Variants in EYS observed in about 807,000 individuals in gnomAD.
The protein encoded by EYS is protein eyes shut homolog.
In EYS, 250 loss-of-function variants were observed where a neutral mutation model predicts 282.1. The ratio of observed to expected loss-of-function variants is 0.89; its 90% CI spans 0.80 to 0.98. The LOEUF (loss-of-function observed/expected upper bound fraction) is 0.98, where lower values mean the gene tolerates loss of function less well. EYS is among the 50% of genes least tolerant of loss of function. The pLI, the probability that EYS is intolerant of heterozygous loss-of-function variation, is 0.00. For missense variants in EYS, 4,016 were observed against 3,709.0 expected, an observed-to-expected ratio of 1.08 and a Z score of -2.15; for synonymous variants, 1,355 against 1,282.9, an observed-to-expected ratio of 1.06 and a Z score of -1.20.
intron 12 of EYS, among the ~76,000 whole-genome samples, chr6:65,131,039 CT>C (rs1219521644): frequency 6.6e-6 from 1 of 151,238 alleles, no homozygotes; most frequent in African/African-American, 2.4e-5. Context: ...TACATATAAA[CT>C]TTATAAAAAA....
chr6:64,299,098 G>A (rs1361640827), intron 30 of EYS, among the ~76,000 whole-genome samples: 1 of 152,152 alleles, frequency 6.6e-6, no homozygotes, highest in African/African-American at 2.4e-5. Context: ...ATAGGGTTAT[G>A]GGTGAAGGCA....
chr6:65,292,054 A>G (rs1768541770), intron 12 of EYS, among the ~76,000 whole-genome samples: 1 of 151,698 alleles, frequency 6.6e-6, no homozygotes, highest in Non-Finnish European at 1.5e-5. Flanking sequence ...TAGTGAATTT[A>G]AGGCACAACC....
At chr6:64,512,506 C>G (rs1206425288) in intron 26 of EYS, among the ~76,000 whole-genome samples, 2 of 151,662 alleles carry the variant, frequency 1.3e-5, no homozygotes, top group Admixed American at 1.3e-4. Flanking sequence ...AGGGGGCCAT[C>G]TATACTGCCA....
intron 29 of EYS, among the ~76,000 whole-genome samples, chr6:64,347,074 T>C (rs1249631820): frequency 6.6e-6 from 1 of 151,356 alleles, no homozygotes; most frequent in Non-Finnish European, 1.5e-5. Context: ...ATCATTCATG[T>C]GGGGACAAAA....
intron 7 of EYS, among the ~76,000 whole-genome samples, chr6:65,400,398 C>G (rs1198200941): frequency 6.6e-6 from 1 of 151,924 alleles, no homozygotes; most frequent in Non-Finnish European, 1.5e-5. Context: ...TCTGATACCT[C>G]CAAGACATCA....
At chr6:64,043,179 T>G (rs1770467977) in intron 33 of EYS, among the ~76,000 whole-genome samples, 1 of 152,198 alleles carries the variant, frequency 6.6e-6, no homozygotes, top group Non-Finnish European at 1.5e-5. Flanking sequence ...TAAAATACCA[T>G]TTTCACCTAA....
intron 34 of EYS, among the ~76,000 whole-genome samples, chr6:63,985,973 G>C (rs1767340746): frequency 6.6e-6 from 1 of 151,700 alleles, no homozygotes; most frequent in South Asian, 2.1e-4. Flanking sequence ...GAAATTGTCA[G>C]CAGAGTAAAT....
intron 1 of EYS, among the ~76,000 whole-genome samples, chr6:65,684,966 C>A (rs1490125): frequency 0.22 from 33,209 of 151,816 alleles, 4,327 homozygotes; most frequent in African/African-American, 0.37. Context: ...ATGTTTAACT[C>A]CAACTTATGA....
rs527652644 is a variant in EYS, at chr6:64,653,127, T to A, written c.3444-26882A>T. On this transcript the variant is annotated intron_variant, in intron 22 of 42. Transcript: ENST00000503581. The stretch of plus-strand genomic sequence containing the variant: ...ATTAAAATCAGAAAATTGGGCTAAA[T>A]GGAGAGAAATGCACCAAGGGAAGAC... 1.2e-4 allele frequency among the ~76,000 whole-genome samples: 18 copies of A among 152,034 alleles called. No individual in the cohort carries two copies. The South Asian group carries it at 3.5e-3, about 30-fold the overall frequency.
At chr6:64,747,934 A>G (rs1191909449) in intron 22 of EYS, among the ~76,000 whole-genome samples, 1 of 152,202 alleles carries the variant, frequency 6.6e-6, no homozygotes, top group Non-Finnish European at 1.5e-5. Flanking sequence ...ATGTCTGCTG[A>G]TGAACATACA....
At chr6:64,017,074 A>T (rs1768928892) in intron 33 of EYS, among the ~76,000 whole-genome samples, 1 of 151,756 alleles carries the variant, frequency 6.6e-6, no homozygotes, top group Admixed American at 6.6e-5. Context: ...GGCTGCTGTC[A>T]TATCCATCAC....
At chr6:63,939,316 C>A (rs192001782) in intron 35 of EYS, among the ~76,000 whole-genome samples, 287 of 152,164 alleles carry the variant, frequency 1.9e-3, no homozygotes, top group Non-Finnish European at 2.7e-3. Flanking sequence ...GATAAAGACG[C>A]AGGAAAGTCC....
intron 12 of EYS, among the ~76,000 whole-genome samples, chr6:65,251,936 C>T (rs1375929938): frequency 6.6e-6 from 1 of 151,878 alleles, no homozygotes; most frequent in African/African-American, 2.4e-5. Flanking sequence ...GCAATTCCGT[C>T]ATGCTGGTGG....
rs77499320 is a variant in EYS, at chr6:63,897,079, G to T, written c.7056-32721C>A. 5.3e-5 allele frequency among the ~76,000 whole-genome samples: 8 copies of T among 152,272 alleles called. No individual in the cohort carries two copies. In the East Asian group the frequency reaches 1.5e-3, roughly 29 times the overall value. On this transcript the variant is annotated intron_variant, in intron 35 of 42. Coordinates refer to ENST00000503581, the MANE Select transcript of EYS (RefSeq NM_001142800.2). ...ATATAAAGCAGTAAGTACTGATGTC[G>T]TGATCTCTCCTTTCCTCCTCATCTG...
intron 33 of EYS, among the ~76,000 whole-genome samples, chr6:64,039,011 G>T (rs1225885538): frequency 2.0e-5 from 3 of 152,052 alleles, no homozygotes; most frequent in African/African-American, 7.2e-5. Flanking sequence ...CGCCACATTG[G>T]CCAGGCTGGT....
At chr6:65,309,705 C>T (rs1769104251) in intron 11 of EYS, among the ~76,000 whole-genome samples, 1 of 152,152 alleles carries the variant, frequency 6.6e-6, no homozygotes, top group African/African-American at 2.4e-5. Flanking sequence ...TAATGAACAT[C>T]AGTTCCCATC....
intron 1 of EYS, among the ~76,000 whole-genome samples, chr6:65,647,855 C>A (rs1228138081): frequency 6.6e-6 from 1 of 151,868 alleles, no homozygotes; most frequent in African/African-American, 2.4e-5. Flanking sequence ...AAAATCTTAG[C>A]AAAATGTGGG....
intron 24 of EYS, among the ~76,000 whole-genome samples, chr6:64,610,293 A>G (rs1005920099): frequency 2.0e-5 from 3 of 152,080 alleles, no homozygotes; most frequent in Admixed American, 1.3e-4. Context: ...CAAAAATCTG[A>G]TGCATAAAGA....
At chr6:63,987,587 T>C (rs1377110334) in intron 34 of EYS, among the ~76,000 whole-genome samples, 1 of 151,710 alleles carries the variant, frequency 6.6e-6, no homozygotes, top group East Asian at 1.9e-4. Context: ...AAGACACTGC[T>C]CTTCAGGGCT....
Sources: gnomAD v4.1 joint callset for allele counts (sites outside exome capture counted in the v4.1 genomes callset) on GRCh38, gnomAD v4.1.1 for gene constraint, MANE v1.5 for transcripts, NCBI Gene and HGNC (gene_info 2026-07-23, HGNC 2026-07-21) for gene names.